AFF2: variants seen among roughly 807,000 people sequenced by gnomAD.
AFF2 encodes AF4/FMR2 family member 2.
A neutral mutation model predicts 76.9 loss-of-function variants in AFF2; 14 were observed. The ratio of observed to expected loss-of-function variants is 0.18; its 90% CI spans 0.12 to 0.28. The LOEUF (loss-of-function observed/expected upper bound fraction) is 0.28. AFF2 is among the 10% of genes least tolerant of loss of function. The pLI is 1.00. For missense variants in AFF2, 868 were observed against 1,001.1 expected, an observed-to-expected ratio of 0.87 and a Z score of 1.79; for synonymous variants, 398 against 366.7, an observed-to-expected ratio of 1.09 and a Z score of -0.98.
At position 148,993,711 on chromosome X, in the gene AFF2, C is replaced by CTGAG. The variant is rs1557292591; in HGVS notation, c.*2382_*2385dup. 8.9e-6 allele frequency: 1 copy of CTGAG among 112,030 alleles called. No individual in the cohort carries two copies. Among genetic ancestry groups the CTGAG allele is most frequent in the African/African-American group, 3.2e-5 (1 of 30,776 alleles). The allele number at this position is 112,030 out of a possible 1,213,427, so 9.2% of individuals were successfully genotyped here. On this transcript the variant is annotated 3_prime_UTR_variant, in exon 21 of 21. Transcript: ENST00000370460. Reference sequence around the variant, plus strand: ...GAGGATTCTCTGTCATCTCTGGTGACTGAGTGTAAAATATGTGCCAAGTCT... The same window carrying CTGAG: ...GAGGATTCTCTGTCATCTCTGGTGACTGAGTGAGTGTAAAATATGTGCCAAGTCT...
At chrX:148,772,622 T>G (rs1243891347) in intron 3 of AFF2, among the ~76,000 whole-genome samples, 1 of 108,997 alleles carries the variant, frequency 9.2e-6, no homozygotes, top group Non-Finnish European at 1.9e-5. Flanking sequence ...GTTAAAGTTC[T>G]TTCCAAAAGT....
chrX:148,753,787 C>G lies in AFF2; in HGVS notation c.1042-56089C>G, dbSNP rs782335574. 3.2e-4 allele frequency among the ~76,000 whole-genome samples: 36 copies of G among 111,524 alleles called. No individual in the cohort carries two copies. The South Asian group carries it at 8.0e-3, about 25-fold the overall frequency. On this transcript the variant is annotated intron_variant, in intron 3 of 20. Transcript: ENST00000370460. ...GAACTGAAAAGTTTTCCGTAGACCA[C>G]TGACAAAAATAGGCCATGGAGTCTG...
Position 148,558,924 on chromosome X carries a change from C to T in AFF2, c.47+57780C>T, listed in dbSNP as rs187676795. On this transcript the variant is annotated intron_variant, in intron 1 of 20. Coordinates refer to ENST00000370460, the MANE Select transcript of AFF2 (RefSeq NM_002025.4). ...AGGCATCCTAGGTAGTGGCTGTGAG[C>T]GAGAAACATGCCACTCAAATACTGT... is the stretch of plus-strand genomic sequence containing the variant. Among the ~76,000 whole-genome samples, 1,028 of 111,324 alleles carry T rather than the reference C, an allele frequency of 9.2e-3. 13 individuals carry two copies. Among genetic ancestry groups the T allele is most frequent in the African/African-American group, 0.031 (939 of 30,645 alleles).
rs184801679 is a variant in AFF2, at chrX:148,741,454, C to T, written c.1042-68422C>T. ...AGTCACAGGCCTCACCTAGCTCCCA[C>T]GCAAACTGAATGGTCAGTCTCACCC... On this transcript the variant is annotated intron_variant, in intron 3 of 20. Coordinates refer to ENST00000370460, the MANE Select transcript of AFF2 (RefSeq NM_002025.4). Among the ~76,000 whole-genome samples the T allele has an allele frequency of 6.7e-3, 739 of 110,688 alleles. 7 individuals are homozygous for T. The highest frequency in any genetic ancestry group is 0.023 in the African/African-American group (699 of 30,316).
intron 1 of AFF2, among the ~76,000 whole-genome samples, chrX:148,619,247 C>G (rs1557250911): frequency 9.0e-6 from 1 of 111,237 alleles, no homozygotes; most frequent in African/African-American, 3.3e-5. Flanking sequence ...GGGCTACAGA[C>G]TTTCTCCAAG....
chrX:148,830,331 A>G (rs1304202672), intron 4 of AFF2, among the ~76,000 whole-genome samples: 1 of 112,385 alleles, frequency 8.9e-6, no homozygotes, highest in African/African-American at 3.2e-5. Flanking sequence ...GCCTGGCTAC[A>G]TTCTGGCACA....
chrX:148,524,643 C>A (rs782131560), intron 1 of AFF2, among the ~76,000 whole-genome samples: 2 of 112,261 alleles, frequency 1.8e-5, no homozygotes, highest in Non-Finnish European at 3.8e-5. Context: ...CAGAATATTC[C>A]CATCTTAAAG....
At chrX:148,533,474 A>G (rs1557236157) in intron 1 of AFF2, among the ~76,000 whole-genome samples, 1 of 110,303 alleles carries the variant, frequency 9.1e-6, no homozygotes. Context: ...TTGTATTTTT[A>G]GTAGAGATGG....
At chrX:148,806,522 C>G (rs781870276) in intron 3 of AFF2, among the ~76,000 whole-genome samples, 4 of 111,590 alleles carry the variant, frequency 3.6e-5, no homozygotes, top group African/African-American at 6.5e-5. Flanking sequence ...TCTGTTTCCC[C>G]GTAAATGTTG....
chrX:148,856,383 TGAA>T (rs2070786344), intron 7 of AFF2, among the ~76,000 whole-genome samples: 1 of 112,253 alleles, frequency 8.9e-6, no homozygotes, highest in Non-Finnish European at 1.9e-5. Context: ...ATTTTACAAA[TGAA>T]GAACTGGGTT....
chrX:148,966,677 CTTTT>C (rs111499310), intron 13 of AFF2, 109 bp from the exon 14 acceptor site: 3,586 of 938,675 alleles, frequency 3.8e-3, no homozygotes, highest in South Asian at 4.7e-3. Context: ...TGTTTTCTTT[CTTTT>C]TTTTTTTTTT....
chrX:148,723,635 A>C (rs1016252362), intron 3 of AFF2, among the ~76,000 whole-genome samples: 1 of 112,241 alleles, frequency 8.9e-6, no homozygotes, highest in Admixed American at 9.4e-5. Context: ...ATGCAAGTTA[A>C]TCTTCCAGTG....
At chrX:148,857,903 T>C (rs1340613157) in intron 7 of AFF2, among the ~76,000 whole-genome samples, 2 of 111,726 alleles carry the variant, frequency 1.8e-5, no homozygotes, top group African/African-American at 6.5e-5. Flanking sequence ...AATTCAGGTT[T>C]GTTGTCTTTT....
intron 16 of AFF2, among the ~76,000 whole-genome samples, chrX:148,975,740 C>T (rs1421989306): frequency 3.8e-5 from 4 of 105,637 alleles, no homozygotes; most frequent in Non-Finnish European, 7.8e-5. Flanking sequence ...GTCAGGAGAT[C>T]GAGACCATCC....
chrX:148,761,996 T>C (rs184295598), intron 3 of AFF2, among the ~76,000 whole-genome samples: 1 of 104,484 alleles, frequency 9.6e-6, no homozygotes, highest in Admixed American at 1.0e-4. Flanking sequence ...GATATAGATA[T>C]AGATATAGAT....
chrX:148,560,827 GTT>G (rs1352909555), intron 1 of AFF2, among the ~76,000 whole-genome samples: 2 of 110,998 alleles, frequency 1.8e-5, no homozygotes, highest in Non-Finnish European at 3.8e-5. Context: ...CTTGATGACA[GTT>G]TTTTTCTGGG....
intron 1 of AFF2, among the ~76,000 whole-genome samples, chrX:148,568,296 G>C (rs1407734947): frequency 1.8e-5 from 2 of 111,729 alleles, no homozygotes; most frequent in African/African-American, 6.5e-5. Flanking sequence ...CGAATCATTG[G>C]ATTGTATGAC....
Position 148,987,429 on chromosome X carries a change from A to G in AFF2, c.3686A>G (p.Asn1229Ser). The G allele has an allele frequency of 8.3e-7, 1 of 1,211,340 alleles. No homozygotes were observed. The highest frequency in any genetic ancestry group is 1.1e-6 in the Non-Finnish European group (1 of 895,118). The stretch of plus-strand genomic sequence containing the variant: ...CCCATCAACGCAATGGGGAACTGTA[A>G]CAATGGCCCAGTCACCATTCCCCAG... Reference protein sequence around the residue: ...VSPINAMGNCNNGPVTIPQRI... With the variant: ...VSPINAMGNCSNGPVTIPQRI... The change falls in exon 20 of 21, where the codon AAC (asparagine) becomes AGC (serine). Residue 1229 changes from asparagine (N) to serine (S), a missense_variant. Physicochemically the swap from Asn to Ser is conservative, Grantham distance 46. This residue lies in a region of AFF2 where 46 missense variants were observed against 40.8 expected (regional missense o/e 1.13). Coordinates refer to ENST00000370460, the MANE Select transcript of AFF2 (RefSeq NM_002025.4).
intron 7 of AFF2, among the ~76,000 whole-genome samples, chrX:148,849,361 T>C (rs1334851749): frequency 6.3e-4 from 13 of 20,477 alleles, no homozygotes; most frequent in African/African-American, 2.3e-3. Flanking sequence ...TGTCTCTCTC[T>C]CTCCTCCCCC....
Sources: allele counts gnomAD v4.1 joint callset (sites outside exome capture counted in the v4.1 genomes callset), GRCh38; gene constraint gnomAD v4.1.1; regional missense constraint gnomAD v4.1.1; transcripts MANE v1.5; gene names NCBI Gene and HGNC (gene_info 2026-07-23, HGNC 2026-07-21).